CFAP58: variants seen among roughly 807,000 people sequenced by gnomAD.
CFAP58 encodes cilia and flagella associated protein 58, also known as cilia- and flagella-associated protein 58.
In CFAP58, 88 loss-of-function variants were observed where a neutral mutation model predicts 119.5. The ratio of observed to expected loss-of-function variants is 0.74; its 90% CI spans 0.62 to 0.88. The LOEUF (loss-of-function observed/expected upper bound fraction) is 0.88. CFAP58 is among the 40% of genes least tolerant of loss of function. CFAP58 has a pLI of 0.00. For missense variants in CFAP58, 990 were observed against 1,021.2 expected (o/e 0.97, Z 0.42); for synonymous variants, 365 against 366.3 (o/e 1.00, Z 0.04).
chr10:104,367,095 G>C (rs1401938552), intron 5 of CFAP58, among the ~76,000 whole-genome samples: 1 of 152,146 alleles, frequency 6.6e-6, no homozygotes, highest in African/African-American at 2.4e-5. Context: ...CTGACCTCAA[G>C]TAATCCAACT....
chr10:104,354,298 C>T (rs1477303368), intron 1 of CFAP58, among the ~76,000 whole-genome samples: 3 of 152,086 alleles, frequency 2.0e-5, no homozygotes, highest in African/African-American at 7.2e-5. Context: ...TTCACAGATG[C>T]CTGCTGTCAT....
chr10:104,428,706 TG>T (rs2133076279), intron 15 of CFAP58, among the ~76,000 whole-genome samples: 1 of 152,286 alleles, frequency 6.6e-6, no homozygotes, highest in African/African-American at 2.4e-5. Flanking sequence ...TTCATGTGCA[TG>T]GGTGTGTGTC....
chr10:104,367,779 C>T (rs1045799151), intron 5 of CFAP58, among the ~76,000 whole-genome samples: 7 of 152,276 alleles, frequency 4.6e-5, no homozygotes, highest in Admixed American at 2.0e-4. Flanking sequence ...CAATATTCCC[C>T]CAATAGAAAT....
chr10:104,351,758 G>A (rs1007824008), upstream of CFAP58: 8 of 152,134 alleles, frequency 5.3e-5, no homozygotes, highest in African/African-American at 1.2e-4. Flanking sequence ...CTTTATGACC[G>A]TGGGGTTAAG....
intron 15 of CFAP58, among the ~76,000 whole-genome samples, chr10:104,421,524 C>T (rs146432894): frequency 6.6e-6 from 1 of 152,288 alleles, no homozygotes; most frequent in East Asian, 1.9e-4. Flanking sequence ...GTGGGTAAAC[C>T]TTATTGGGTC....
At chr10:104,349,922 GA>G (rs1443487091), upstream of CFAP58, among the ~76,000 whole-genome samples, 1 of 152,206 alleles carries the variant, frequency 6.6e-6, no homozygotes, top group Non-Finnish European at 1.5e-5. Context: ...CAGGCAGTGG[GA>G]AAGAGCATGG....
At chr10:104,411,313 C>A (rs1350929665) in intron 15 of CFAP58, among the ~76,000 whole-genome samples, 1 of 152,104 alleles carries the variant, frequency 6.6e-6, no homozygotes, top group Non-Finnish European at 1.5e-5. Context: ...TATAGAGACT[C>A]TTTTTCACAT....
intron 9 of CFAP58, among the ~76,000 whole-genome samples, chr10:104,385,580 G>T (rs1175505584): frequency 1.3e-5 from 2 of 152,186 alleles, no homozygotes; most frequent in African/African-American, 2.4e-5. Flanking sequence ...ACTTTGGGAG[G>T]CTGAGGCAGG....
intron 3 of CFAP58, among the ~76,000 whole-genome samples, chr10:104,363,668 C>G (rs1160274081): frequency 2.0e-5 from 3 of 152,202 alleles, no homozygotes; most frequent in African/African-American, 7.2e-5. Flanking sequence ...GTGTAACTTT[C>G]TGTCTTCATA....
At chr10:104,413,210 G>A (rs2012488353) in intron 15 of CFAP58, among the ~76,000 whole-genome samples, 1 of 152,194 alleles carries the variant, frequency 6.6e-6, no homozygotes, top group African/African-American at 2.4e-5. Context: ...GCTCTGAGAG[G>A]TGGCCTTTGC....
intron 15 of CFAP58, among the ~76,000 whole-genome samples, chr10:104,422,153 G>A (rs922947481): frequency 3.3e-5 from 5 of 152,128 alleles, no homozygotes; most frequent in Non-Finnish European, 7.3e-5. Flanking sequence ...CAGCCTGGGC[G>A]ACAGAGTGAG....
chr10:104,372,514 C>T (rs1020418587), intron 7 of CFAP58, among the ~76,000 whole-genome samples: 2 of 152,112 alleles, frequency 1.3e-5, no homozygotes, highest in African/African-American at 4.8e-5. Flanking sequence ...TAAATCAAAC[C>T]CAGACTATGG....
intron 15 of CFAP58, among the ~76,000 whole-genome samples, chr10:104,438,341 G>GTTTTTTTTTTT (rs1325921091): frequency 9.9e-6 from 1 of 101,290 alleles, no homozygotes; most frequent in African/African-American, 4.5e-5. Flanking sequence ...TTTGTTTTTT[G>GTTTTTTTTTTT]TTTTTTGTTT....
At chr10:104,432,748 G>T (rs970491317) in intron 15 of CFAP58, among the ~76,000 whole-genome samples, 1 of 152,202 alleles carries the variant, frequency 6.6e-6, no homozygotes, top group African/African-American at 2.4e-5. Context: ...TGATCTGCCT[G>T]CCTTGGCCTC....
intron 1 of CFAP58, among the ~76,000 whole-genome samples, chr10:104,357,860 C>CAT (rs755984146): frequency 1.7e-5 from 2 of 118,914 alleles, no homozygotes; most frequent in Non-Finnish European, 3.4e-5. Context: ...CATATATACA[C>CAT]ATATATACAC....
chr10:104,376,720 A>G (rs2011673695), intron 7 of CFAP58, 91 bp from the exon 8 acceptor site: 2 of 946,844 alleles, frequency 2.1e-6, no homozygotes, highest in African/African-American at 1.7e-5. Context: ...AGAGACAAAC[A>G]TGTAAAGCAG....
intron 9 of CFAP58, among the ~76,000 whole-genome samples, chr10:104,381,944 T>C (rs959230590): frequency 1.3e-5 from 2 of 152,238 alleles, no homozygotes; most frequent in Admixed American, 1.3e-4. Flanking sequence ...GGACTCGTTG[T>C]CAATTTAGGC....
At chr10:104,360,398 G>C (rs1443129303) in intron 2 of CFAP58, among the ~76,000 whole-genome samples, 2 of 151,864 alleles carry the variant, frequency 1.3e-5, no homozygotes, top group Non-Finnish European at 2.9e-5. Context: ...GAAACTTACA[G>C]TCATGGCAGA....
chr10:104,451,746 CT>C (rs1473853815), intron 17 of CFAP58, among the ~76,000 whole-genome samples: 1 of 152,074 alleles, frequency 6.6e-6, no homozygotes. Context: ...CAGTAAAACT[CT>C]TTTTTTGAGA....
Sources: gnomAD v4.1 joint callset for allele counts (sites outside exome capture counted in the v4.1 genomes callset) on GRCh38, gnomAD v4.1.1 for gene constraint, MANE v1.5 for transcripts, NCBI Gene and HGNC (gene_info 2026-07-23, HGNC 2026-07-21) for gene names.